The following CACNA2D1 variants were observed in gnomAD, a reference collection of about 807,000 sequenced individuals.
CACNA2D1 encodes voltage-dependent calcium channel subunit alpha-2/delta-1.
In CACNA2D1, 53 loss-of-function variants were observed where a neutral mutation model predicts 171.5. The ratio of observed to expected loss-of-function variants is 0.31; its 90% CI spans 0.25 to 0.39. The LOEUF is 0.39. Among genes scored for constraint, CACNA2D1 ranks in the 10% least tolerant of loss-of-function variants. The probability of loss-of-function intolerance (pLI) is 1.00; values close to 1 mark genes in which losing one functional copy is unlikely to be tolerated. For synonymous variants in CACNA2D1, 442 were observed against 443.1 expected (o/e 1.00, Z 0.03); for missense variants, 903 against 1,299.8 (o/e 0.69, Z 4.69).
chr7:82,258,828 T>TTTTTTTTTTTTTTTTTTTTTTTG, intron 3 of CACNA2D1, among the ~76,000 whole-genome samples: 1 of 120,064 alleles, frequency 8.3e-6, no homozygotes, highest in Non-Finnish European at 1.7e-5. Context: ...TTTTTTTTTT[T>TTTTTTTTTTTTTTTTTTTTTTTG]TTTTTTTTTT....
rs191218806 is a variant in CACNA2D1 at position 82,196,784 on chromosome 7, G to A, written c.295-26175C>T. On this transcript the variant is annotated intron_variant, in intron 3 of 38. Transcript: ENST00000356860. ...ACGATTCAGGATGAGAATAGTCTGG[G>A]CAAAGAAACTGAGGTAGTTCTCATC... is the stretch of plus-strand genomic sequence containing the variant. 8.6e-5 allele frequency among the ~76,000 whole-genome samples: 13 copies of A among 151,968 alleles called. No individual in the cohort carries two copies. The East Asian group carries it at 2.3e-3, about 27-fold the overall frequency.
intron 7 of CACNA2D1, among the ~76,000 whole-genome samples, chr7:82,076,414 A>G (rs1178066531): frequency 6.6e-6 from 1 of 152,118 alleles, no homozygotes; most frequent in Non-Finnish European, 1.5e-5. Context: ...TTCTCCCAAA[A>G]TAAGAACTTT....
At chr7:82,423,006 A>G (rs1369673017) in intron 1 of CACNA2D1, among the ~76,000 whole-genome samples, 2 of 152,162 alleles carry the variant, frequency 1.3e-5, no homozygotes, top group Non-Finnish European at 2.9e-5. Context: ...GAACATCTGA[A>G]CCAAACTTAA....
intron 4 of CACNA2D1, 49 bp downstream of exon 4, chr7:82,170,501 A>G (rs1166287111): frequency 1.1e-5 from 13 of 1,221,544 alleles, no homozygotes; most frequent in Admixed American, 3.4e-5. Context: ...AATTATCCAT[A>G]CACAATATGT....
At chr7:82,006,517 G>A (rs1584377309) in intron 16 of CACNA2D1, among the ~76,000 whole-genome samples, 2 of 151,958 alleles carry the variant, frequency 1.3e-5, no homozygotes, top group South Asian at 4.2e-4. Context: ...TGTTTCAAAT[G>A]GAATTATATA....
At position 81,982,631 on chromosome 7, in the gene CACNA2D1, C is replaced by CA; in HGVS notation, c.1895-5dup. On this transcript the variant is annotated splice_polypyrimidine_tract_variant and splice_region_variant and intron_variant, in intron 23 of 38. Coordinates refer to ENST00000356860, the MANE Select transcript of CACNA2D1 (RefSeq NM_000722.4). ...TCTGGCTTCAGGGTTTCCGAATCTG[C>CA]AAAGATAATGTTACAGGATTAGATA... is the stretch of plus-strand genomic sequence containing the variant. 1 of 1,572,788 alleles carries CA rather than the reference C, an allele frequency of 6.4e-7. No homozygotes were observed. Among genetic ancestry groups the CA allele is most frequent in the East Asian group, 2.2e-5 (1 of 44,560 alleles).
chr7:82,181,308 T>C (rs1034021618), intron 3 of CACNA2D1, among the ~76,000 whole-genome samples: 4 of 152,298 alleles, frequency 2.6e-5, no homozygotes, highest in Middle Eastern at 3.4e-3. Context: ...CTTCAGACTC[T>C]CACTATCATT....
intron 3 of CACNA2D1, among the ~76,000 whole-genome samples, chr7:82,287,378 G>A (rs939093260): frequency 2.0e-5 from 3 of 151,920 alleles, no homozygotes; most frequent in African/African-American, 7.3e-5. Context: ...CTCAAGGATG[G>A]ATGTTATCCT....
At chr7:82,007,575 A>T in intron 16 of CACNA2D1, 104 bp downstream of exon 16, 1 of 732,074 alleles carries the variant, frequency 1.4e-6, no homozygotes, top group South Asian at 1.6e-5. Flanking sequence ...CTCACAAGAC[A>T]ATTACACTGC....
intron 21 of CACNA2D1, 34 bp from the exon 22 acceptor site, chr7:81,984,745 C>G (rs1248172665): frequency 9.0e-7 from 1 of 1,107,134 alleles, no homozygotes; most frequent in Admixed American, 2.0e-5. Context: ...TAAACACAAA[C>G]AAACAAAAAT....
At chr7:82,058,711 G>A (rs962779070) in intron 10 of CACNA2D1, among the ~76,000 whole-genome samples, 2 of 152,152 alleles carry the variant, frequency 1.3e-5, no homozygotes, top group African/African-American at 4.8e-5. Flanking sequence ...AGGTTCAGAT[G>A]AAGTAGATAG....
intron 1 of CACNA2D1, among the ~76,000 whole-genome samples, chr7:82,417,929 A>C (rs554584361): frequency 6.6e-6 from 1 of 152,354 alleles, no homozygotes; most frequent in South Asian, 2.1e-4. Flanking sequence ...AGAGGACAAT[A>C]TTAAAAGGAG....
intron 1 of CACNA2D1, among the ~76,000 whole-genome samples, chr7:82,386,702 C>T (rs1359274082): frequency 6.6e-6 from 1 of 151,526 alleles, no homozygotes; most frequent in African/African-American, 2.4e-5. Flanking sequence ...CATTGCACTC[C>T]AGCCTGGGCA....
chr7:82,180,244 G>A (rs1796981356), intron 3 of CACNA2D1, among the ~76,000 whole-genome samples: 1 of 152,242 alleles, frequency 6.6e-6, no homozygotes, highest in Non-Finnish European at 1.5e-5. Flanking sequence ...AGGCAAGTGC[G>A]GTGTCCTGGC....
intron 1 of CACNA2D1, among the ~76,000 whole-genome samples, chr7:82,437,587 A>G (rs1830200856): frequency 2.6e-5 from 4 of 152,160 alleles, no homozygotes; most frequent in Admixed American, 2.0e-4. Context: ...AACTTCAAAT[A>G]TTGCTTTATA....
intron 7 of CACNA2D1, among the ~76,000 whole-genome samples, chr7:82,084,336 T>C (rs974061535): frequency 3.9e-5 from 6 of 152,220 alleles, no homozygotes; most frequent in Non-Finnish European, 7.3e-5. Flanking sequence ...CCTACTCATT[T>C]TAACAGATCC....
At chr7:81,995,807 A>C (rs886533123) in intron 19 of CACNA2D1, among the ~76,000 whole-genome samples, 19 of 151,986 alleles carry the variant, frequency 1.3e-4, no homozygotes, top group African/African-American at 4.3e-4. Flanking sequence ...TCAAAAAAAA[A>C]AAAAAAAAAA....
intron 2 of CACNA2D1, among the ~76,000 whole-genome samples, chr7:82,346,847 G>A (rs1819318810): frequency 6.6e-6 from 1 of 152,092 alleles, no homozygotes; most frequent in South Asian, 2.1e-4. Context: ...TGTTTTCAAG[G>A]TACAAATAAG....
chr7:82,098,916 A>G (rs1812273048), intron 6 of CACNA2D1, among the ~76,000 whole-genome samples: 1 of 152,218 alleles, frequency 6.6e-6, no homozygotes, highest in Admixed American at 6.5e-5. Flanking sequence ...CTTTTCAGTA[A>G]GATGTAATAC....
Sources: allele counts gnomAD v4.1 joint callset (sites outside exome capture counted in the v4.1 genomes callset), GRCh38; gene constraint gnomAD v4.1.1; transcripts MANE v1.5; gene names NCBI Gene and HGNC (gene_info 2026-07-23, HGNC 2026-07-21).